The following ACYP2 variants were observed in gnomAD, a reference collection of about 807,000 sequenced individuals.
ACYP2 encodes the protein acylphosphatase 2.
In ACYP2, 12 loss-of-function variants were observed where a neutral mutation model predicts 11.2. That is an observed-to-expected ratio of 1.08 (90% CI 0.69 to 1.74). The LOEUF (loss-of-function observed/expected upper bound fraction) is 1.74. Among genes scored for constraint, ACYP2 ranks in the 40% most tolerant of loss-of-function variants. The probability of loss-of-function intolerance (pLI) is 0.00; values close to 1 mark genes in which losing one functional copy is unlikely to be tolerated. For synonymous variants in ACYP2, 43 were observed against 32.2 expected (o/e 1.33, Z -1.13); for missense variants, 134 against 101.9 (o/e 1.31, Z -1.35).
intron 2 of ACYP2, among the ~76,000 whole-genome samples, chr2:53,987,404 T>C (rs990004810): frequency 6.6e-6 from 1 of 151,506 alleles, no homozygotes; most frequent in Non-Finnish European, 1.5e-5. Flanking sequence ...TTACAAAGTG[T>C]AGGCTCCTAA....
At chr2:54,261,176 G>A (rs564343133) in intron 6 of ACYP2, among the ~76,000 whole-genome samples, 8 of 152,286 alleles carry the variant, frequency 5.3e-5, no homozygotes, top group African/African-American at 1.9e-4. Flanking sequence ...TGAGTTCATT[G>A]TGAAGTGTTA....
intron 2 of ACYP2, among the ~76,000 whole-genome samples, chr2:53,987,517 T>A (rs1038472712): frequency 2.0e-5 from 3 of 152,212 alleles, no homozygotes; most frequent in African/African-American, 7.2e-5. Flanking sequence ...AATTTCTGGG[T>A]CAAATGGTAG....
chr2:54,176,141 T>C (rs1683449435), intron 6 of ACYP2, among the ~76,000 whole-genome samples: 1 of 152,186 alleles, frequency 6.6e-6, no homozygotes, highest in South Asian at 2.1e-4. Flanking sequence ...AGGTATTTTG[T>C]TTAGTAGCCC....
At chr2:54,249,721 G>C (rs1279653953) in intron 6 of ACYP2, among the ~76,000 whole-genome samples, 1 of 152,060 alleles carries the variant, frequency 6.6e-6, no homozygotes, top group Non-Finnish European at 1.5e-5. Context: ...CAGGAGGATT[G>C]CTTGAGCCCA....
At chr2:54,067,831 T>G (rs1676821804) in intron 4 of ACYP2, among the ~76,000 whole-genome samples, 2 of 152,238 alleles carry the variant, frequency 1.3e-5, no homozygotes, top group Non-Finnish European at 2.9e-5. Context: ...TCCTTAAAGT[T>G]AACATTTAAA....
chr2:54,062,188 T>A (rs1014393097), intron 4 of ACYP2, among the ~76,000 whole-genome samples: 5 of 151,944 alleles, frequency 3.3e-5, no homozygotes, highest in Admixed American at 2.6e-4. Context: ...GGTTACAGAG[T>A]CTGTTTCTCA....
intron 6 of ACYP2, among the ~76,000 whole-genome samples, chr2:54,197,088 A>C (rs1373748929): frequency 3.3e-5 from 5 of 152,184 alleles, no homozygotes; most frequent in Non-Finnish European, 7.3e-5. Flanking sequence ...AATGAGGCTT[A>C]GAGATTATTT....
chr2:54,001,412 A>T (rs1033759381), intron 2 of ACYP2, among the ~76,000 whole-genome samples: 7 of 152,072 alleles, frequency 4.6e-5, no homozygotes, highest in African/African-American at 1.7e-4. Flanking sequence ...TTTATTTTTG[A>T]GATGGAGTTT....
intron 6 of ACYP2, among the ~76,000 whole-genome samples, chr2:54,258,075 A>G (rs1210614251): frequency 6.6e-6 from 1 of 152,224 alleles, no homozygotes; most frequent in Non-Finnish European, 1.5e-5. Flanking sequence ...CTCTGGATAT[A>G]ACGGTGAACA....
chr2:54,231,635 T>C (rs1394712626), intron 6 of ACYP2, among the ~76,000 whole-genome samples: 1 of 152,204 alleles, frequency 6.6e-6, no homozygotes, highest in African/African-American at 2.4e-5. Flanking sequence ...GTATCATCCT[T>C]ATGAAAAAAC....
chr2:54,016,851 G>C (rs577443796), intron 2 of ACYP2, among the ~76,000 whole-genome samples: 1 of 150,350 alleles, frequency 6.7e-6, no homozygotes, highest in East Asian at 2.0e-4. Context: ...TCAGCCTCCC[G>C]AGTAGCTGGG....
chr2:54,258,666 C>G (rs1046964582), intron 6 of ACYP2, among the ~76,000 whole-genome samples: 1 of 152,046 alleles, frequency 6.6e-6, no homozygotes, highest in Non-Finnish European at 1.5e-5. Flanking sequence ...TGCAGTAACC[C>G]AGGTGAAAGA....
Position 54,304,863 on chromosome 2 carries a change from T to A in ACYP2, c.*61T>A. 1 of 942,582 alleles carries A rather than the reference T, an allele frequency of 1.1e-6. No homozygotes were observed. Among genetic ancestry groups the A allele is most frequent in the South Asian group, 1.8e-5 (1 of 56,732 alleles). 58.4% of individuals were successfully genotyped at this position (942,582 alleles called of 1,614,324 possible). On this transcript the variant is annotated 3_prime_UTR_variant, in exon 7 of 7. Coordinates refer to ENST00000607452, the MANE Select transcript of ACYP2 (RefSeq NM_001320586.2). The stretch of plus-strand genomic sequence containing the variant: ...TACTGTATGTTCTTAAGACTATGTA[T>A]ACTAGAATAATAGTAGCAGAGTAGG...
intron 4 of ACYP2, among the ~76,000 whole-genome samples, chr2:54,135,090 T>C (rs1001351700): frequency 6.6e-6 from 1 of 152,204 alleles, no homozygotes; most frequent in Non-Finnish European, 1.5e-5. Context: ...TCGGGGTTCA[T>C]CATTAAGTAA....
chr2:54,237,382 A>T (rs1484901239), intron 6 of ACYP2, among the ~76,000 whole-genome samples: 1 of 151,962 alleles, frequency 6.6e-6, no homozygotes, highest in African/African-American at 2.4e-5. Context: ...ATTGTTCTTT[A>T]TGCCTTCCTG....
At position 54,304,831 on chromosome 2, in the gene ACYP2, C is replaced by G. The variant is rs767187201; in HGVS notation, c.*29C>G. On this transcript the variant is annotated 3_prime_UTR_variant, in exon 7 of 7. Transcript: ENST00000607452. ...AAGAGAAAAATTGTAACACACTGAA[C>G]AATAGATACTGTATGTTCTTAAGAC... The G allele has an allele frequency of 3.2e-5, 39 of 1,229,288 alleles. No homozygotes were observed. In the South Asian group the frequency reaches 4.5e-4, roughly 14 times the overall value. 76.1% of individuals were successfully genotyped at this position (1,229,288 alleles called of 1,614,324 possible). A position where few individuals can be genotyped will look rare whatever the true frequency, so the allele number is the denominator to read the frequency against.
At chr2:54,035,044 G>T (rs1329864209) in intron 2 of ACYP2, among the ~76,000 whole-genome samples, 2 of 102,590 alleles carry the variant, frequency 1.9e-5, no homozygotes, top group African/African-American at 6.2e-5. Flanking sequence ...CCTAGACTCT[G>T]GTTAAGAGGT....
chr2:54,114,380 C>CAA (rs58390248), intron 4 of ACYP2, among the ~76,000 whole-genome samples: 1,609 of 104,332 alleles, frequency 0.015, 38 homozygotes, highest in African/African-American at 0.05. Context: ...TCAAGACAAT[C>CAA]AAAAAAAAAA....
At chr2:54,094,314 G>A (rs1370590743) in intron 4 of ACYP2, among the ~76,000 whole-genome samples, 4 of 144,510 alleles carry the variant, frequency 2.8e-5, no homozygotes. Context: ...TGCAAACTTC[G>A]CCTCCCAGGT....
Sources: allele counts gnomAD v4.1 joint callset (sites outside exome capture counted in the v4.1 genomes callset), GRCh38; gene constraint gnomAD v4.1.1; transcripts MANE v1.5; gene names NCBI Gene and HGNC (gene_info 2026-07-23, HGNC 2026-07-21).